The following HADHA variants were observed in gnomAD, a reference collection of about 807,000 sequenced individuals.
HADHA encodes trifunctional enzyme subunit alpha, mitochondrial.
A neutral mutation model predicts 91.3 loss-of-function variants in HADHA; 59 were observed. That is an observed-to-expected ratio of 0.65 (90% CI 0.52 to 0.80). HADHA has a LOEUF of 0.80. HADHA is among the 30% of genes least tolerant of loss of function. HADHA has a pLI of 0.00. For missense variants in HADHA, 800 were observed against 927.6 expected, an observed-to-expected ratio of 0.86 and a Z score of 1.79; for synonymous variants, 320 against 338.9, an observed-to-expected ratio of 0.94 and a Z score of 0.61.
At chr2:26,201,401 G>T in intron 12 of HADHA, 81 bp from the exon 13 acceptor site, 1 of 937,616 alleles carries the variant, frequency 1.1e-6, no homozygotes, top group Non-Finnish European at 1.7e-6. Flanking sequence ...GAGCACACCT[G>T]TGTTTTTCAC....
chr2:26,223,255 G>T (rs1238107999), intron 7 of HADHA, among the ~76,000 whole-genome samples: 1 of 152,166 alleles, frequency 6.6e-6, no homozygotes, highest in Non-Finnish European at 1.5e-5. Flanking sequence ...GATTAATCCT[G>T]ATTACCAAGG....
At chr2:26,243,891 G>A (rs1040452829) in intron 1 of HADHA, among the ~76,000 whole-genome samples, 3 of 152,216 alleles carry the variant, frequency 2.0e-5, no homozygotes, top group African/African-American at 4.8e-5. Context: ...ATTGCTTAAG[G>A]TAGAGGTATT....
chr2:26,228,658 C>T (rs1411758194), intron 7 of HADHA, among the ~76,000 whole-genome samples: 6 of 152,098 alleles, frequency 3.9e-5, no homozygotes, highest in African/African-American at 1.4e-4. Flanking sequence ...AAACAAACTA[C>T]ATACCAGAAA....
At chr2:26,207,730 G>A (rs969501255) in intron 11 of HADHA, among the ~76,000 whole-genome samples, 1 of 152,186 alleles carries the variant, frequency 6.6e-6, no homozygotes, top group Non-Finnish European at 1.5e-5. Context: ...TTTGAGGAAT[G>A]CATAACATGG....
rs1214725714 is a variant in HADHA at position 26,214,716 on chromosome 2, T to C, written c.800-155A>G. The C allele has an allele frequency of 1.5e-6, 1 of 653,846 alleles. No homozygotes were observed. The highest frequency in any genetic ancestry group is 2.5e-5 in the Admixed American group (1 of 39,868). 40.5% of individuals were successfully genotyped at this position (653,846 alleles called of 1,614,324 possible). On this transcript the variant is annotated intron_variant, in intron 8 of 19. Transcript: ENST00000380649. This position sits in a 1 kb window ranked among gnomAD's most constrained non-coding sequence, Gnocchi z 4.1. ...ACAATATAAATTTCAACCTAAGCACTACCTTAAACATGCTAAGTGATGAAT... is the reference window on the plus strand; with the variant it reads ...ACAATATAAATTTCAACCTAAGCACCACCTTAAACATGCTAAGTGATGAAT...
chr2:26,212,840 A>T (rs993628984), intron 9 of HADHA, among the ~76,000 whole-genome samples: 37 of 152,230 alleles, frequency 2.4e-4, no homozygotes, highest in African/African-American at 8.7e-4. Flanking sequence ...TAACATGGCC[A>T]TGAGAAGGAA....
intron 5 of HADHA, 55 bp from the exon 6 acceptor site, chr2:26,232,334 T>C: frequency 8.1e-7 from 1 of 1,229,498 alleles, no homozygotes; most frequent in Non-Finnish European, 1.2e-6. Context: ...TAGTAGCAAC[T>C]TGAGATGGAT....
In HADHA at chr2:26,195,159, G is replaced by A; in HGVS notation, c.1553C>T (p.Ser518Phe). 1 of 1,612,616 alleles carries A rather than the reference G, an allele frequency of 6.2e-7. No individual in the cohort carries two copies. Among genetic ancestry groups the A allele is most frequent in the Non-Finnish European group, 8.5e-7 (1 of 1,178,792 alleles). The part of the protein sequence containing the change: ...LLEIITTEKT[S>F]KDTSASAVAV... ...TACAGCTGAAGCACTGGTGTCTTTGGAAGTTTTCTCGGTCGTGATAATCTC... is the reference window on the plus strand; with the variant it reads ...TACAGCTGAAGCACTGGTGTCTTTGAAAGTTTTCTCGGTCGTGATAATCTC... The change falls in exon 15 of 20, where the codon TCC becomes TTC. Residue 518 changes from serine to phenylalanine, a missense_variant. Transcript: ENST00000380649.
rs5830004 is a variant in HADHA at position 26,229,348 on chromosome 2, G to GCACACACACACACA, written c.676+830_676+843dup. On this transcript the variant is annotated intron_variant, in intron 7 of 19. Transcript: ENST00000380649. The surrounding 1 kb of genome is among the most constrained non-coding windows in gnomAD (Gnocchi z 4.3). Reference sequence around the variant, plus strand: ...GTGAGACCCCAACATGTGTGCGCGCGCACACACACACACACACACACACAC... The same window carrying GCACACACACACACA: ...GTGAGACCCCAACATGTGTGCGCGCGCACACACACACACACACACACACACACACACACACACAC... 1.2e-3 allele frequency among the ~76,000 whole-genome samples: 170 copies of GCACACACACACACA among 147,624 alleles called. No homozygotes were observed. Among genetic ancestry groups the GCACACACACACACA allele is most frequent in the African/African-American group, 3.9e-3 (156 of 39,654 alleles).
Position 26,201,295 on chromosome 2 carries a change from C to G in HADHA, c.1246G>C (p.Ala416Pro). 1 of 1,610,998 alleles carries G rather than the reference C, an allele frequency of 6.2e-7. No homozygotes were observed. The highest frequency in any genetic ancestry group is 8.5e-7 in the Non-Finnish European group (1 of 1,177,132). ...GAATCCCTTTCAAATGATGTTAGAG[C>G]TTTCTTCTTCACTTTGTCATTCAAT... ...KGLNDKVKKK[A>P]LTSFERDSIF... Residue 416 changes from alanine (A) to proline (P), a missense_variant, in exon 13 of 20, where the codon GCT (alanine) becomes CCT (proline). Physicochemically the swap from Ala to Pro is conservative, Grantham distance 27. Transcript: ENST00000380649.
At chr2:26,213,185 T>A (rs1670143054) in intron 9 of HADHA, among the ~76,000 whole-genome samples, 1 of 152,228 alleles carries the variant, frequency 6.6e-6, no homozygotes, top group South Asian at 2.1e-4. Flanking sequence ...TCCCAAAATA[T>A]CTGAACTCAA....
chr2:26,222,205 C>T (rs1670391171), intron 7 of HADHA, among the ~76,000 whole-genome samples: 1 of 152,194 alleles, frequency 6.6e-6, no homozygotes. Context: ...TGTGCAGACA[C>T]AGTAAGAAAG....
At chr2:26,224,279 A>T (rs4665324) in intron 7 of HADHA, among the ~76,000 whole-genome samples, 1 of 152,170 alleles carries the variant, frequency 6.6e-6, no homozygotes, top group Non-Finnish European at 1.5e-5. Context: ...TAAACTATCA[A>T]AGTAAGTGAA....
chr2:26,230,980 A>T (rs189474961), intron 6 of HADHA, among the ~76,000 whole-genome samples: 2 of 152,274 alleles, frequency 1.3e-5, no homozygotes. Flanking sequence ...GAAACCTGAT[A>T]GTTTTGACAA....
At chr2:26,240,869 G>A (rs775741391) in intron 1 of HADHA, among the ~76,000 whole-genome samples, 4 of 152,152 alleles carry the variant, frequency 2.6e-5, no homozygotes, top group African/African-American at 4.8e-5. Flanking sequence ...ACCTACCTAT[G>A]CTGCCCACAC....
rs554889388 is a variant in HADHA, at chr2:26,234,863, C to A, written c.315-508G>T. On this transcript the variant is annotated intron_variant, in intron 4 of 19. Transcript: ENST00000380649. ...AATCATTAAATTACAAAGCTTGGTA[C>A]AAGGGAAAATCATCTTTGGTAAATT... Among the ~76,000 whole-genome samples, 29 of 152,016 alleles carry A rather than the reference C, an allele frequency of 1.9e-4. 1 individual carries two copies. In the South Asian group the frequency reaches 5.6e-3, roughly 29 times the overall value.
At chr2:26,241,544 T>C (rs565211034) in intron 1 of HADHA, among the ~76,000 whole-genome samples, 1 of 151,680 alleles carries the variant, frequency 6.6e-6, no homozygotes, top group African/African-American at 2.4e-5. Flanking sequence ...CCAGCTACTC[T>C]GGAGGCTGAG....
Position 26,191,217 on chromosome 2 carries a change from T to C in HADHA, c.*33A>G. 6.2e-7 allele frequency: 1 copy of C among 1,605,938 alleles called. No individual in the cohort carries two copies. Among genetic ancestry groups the C allele is most frequent in the Non-Finnish European group, 8.5e-7 (1 of 1,174,178 alleles). On this transcript the variant is annotated 3_prime_UTR_variant, in exon 20 of 20. Coordinates refer to ENST00000380649, the MANE Select transcript of HADHA (RefSeq NM_000182.5). ...AACCAGCACTGCCGGCAGCTGGGGT[T>C]AGTGCACTGACTGAGCGAGGCATGA... is the stretch of plus-strand genomic sequence containing the variant.
At chr2:26,209,959 G>A in intron 10 of HADHA, 70 bp from the exon 11 acceptor site, 1 of 877,792 alleles carries the variant, frequency 1.1e-6, no homozygotes, top group Admixed American at 1.7e-5. Context: ...CTTCAGTTCA[G>A]GTTCCTCTGA....
Sources: gnomAD v4.1 joint callset for allele counts (sites outside exome capture counted in the v4.1 genomes callset) on GRCh38, gnomAD v4.1.1 for gene constraint, Gnocchi (gnomAD v3.1) non-coding constraint, MANE v1.5 for transcripts, NCBI Gene and HGNC (gene_info 2026-07-23, HGNC 2026-07-21) for gene names.